The following NCAM2 variants were observed in gnomAD, a reference collection of about 807,000 sequenced individuals.
NCAM2 encodes neural cell adhesion molecule 2, also known as N-CAM-2.
NCAM2 carries 30 observed loss-of-function variants against 98.1 expected under a neutral mutation model. The ratio of observed to expected loss-of-function variants is 0.31; its 90% CI spans 0.23 to 0.41. The LOEUF is 0.41. Ranked by LOEUF, NCAM2 falls within the 10% of genes least tolerant of loss-of-function variation. The pLI is 1.00. For missense variants in NCAM2, 867 were observed against 1,005.8 expected (o/e 0.86, Z 1.87); for synonymous variants, 368 against 342.4 (o/e 1.07, Z -0.83).
intron 1 of NCAM2, among the ~76,000 whole-genome samples, chr21:21,022,464 A>G (rs1220763058): frequency 7.2e-5 from 11 of 152,072 alleles, no homozygotes; most frequent in Admixed American, 7.2e-4. Context: ...TAAATGTTCT[A>G]TAGTAGAATT....
intron 9 of NCAM2, among the ~76,000 whole-genome samples, chr21:21,392,410 A>G (rs58054254): frequency 0.033 from 5,093 of 152,302 alleles, 319 homozygotes; most frequent in African/African-American, 0.12. Flanking sequence ...TGCAGTGAAC[A>G]TACAAATGAA....
At chr21:21,423,257 T>G (rs1385945001) in intron 11 of NCAM2, among the ~76,000 whole-genome samples, 1 of 152,166 alleles carries the variant, frequency 6.6e-6, no homozygotes, top group Non-Finnish European at 1.5e-5. Context: ...CCCTGGGGAA[T>G]GAGAGCCTCA....
At chr21:21,302,717 A>T (rs1218950751) in intron 5 of NCAM2, among the ~76,000 whole-genome samples, 1 of 152,136 alleles carries the variant, frequency 6.6e-6, no homozygotes, top group Non-Finnish European at 1.5e-5. Context: ...CTTAAAACAG[A>T]TATACTATTC....
At chr21:21,257,191 C>T (rs2147321808) in intron 1 of NCAM2, among the ~76,000 whole-genome samples, 1 of 152,256 alleles carries the variant, frequency 6.6e-6, no homozygotes, top group Non-Finnish European at 1.5e-5. Flanking sequence ...ACTGTAAACT[C>T]TTTGACAGTA....
At chr21:21,492,402 C>G (rs940602552) in intron 15 of NCAM2, among the ~76,000 whole-genome samples, 5 of 151,834 alleles carry the variant, frequency 3.3e-5, no homozygotes, top group African/African-American at 9.7e-5. Flanking sequence ...ACGGTTTCAT[C>G]CATTAATCAC....
Position 21,098,287 on chromosome 21 carries a change from C to G in NCAM2, c.55+99669C>G, listed in dbSNP as rs149062720. Among the ~76,000 whole-genome samples the G allele has an allele frequency of 2.3e-3, 348 of 151,606 alleles. 2 individuals are homozygous for G. The highest frequency in any genetic ancestry group is 0.012 in the South Asian group (59 of 4,798). On this transcript the variant is annotated intron_variant, in intron 1 of 17. Coordinates refer to ENST00000400546, the MANE Select transcript of NCAM2 (RefSeq NM_004540.5). ...GTGCCTTGGTATTACTATGTAAACC[C>G]AAATTTAAAGATATATAATGTCAAA...
chr21:21,300,045 A>G (rs1048778353), intron 5 of NCAM2, among the ~76,000 whole-genome samples: 3 of 151,900 alleles, frequency 2.0e-5, no homozygotes, highest in African/African-American at 7.3e-5. Flanking sequence ...TTATTGCTGT[A>G]TTGGTATTTT....
chr21:21,146,687 A>T (rs982287710), intron 1 of NCAM2, among the ~76,000 whole-genome samples: 8 of 152,076 alleles, frequency 5.3e-5, no homozygotes, highest in East Asian at 3.9e-4. Flanking sequence ...CTTAACAGCA[A>T]TACATTTAAT....
chr21:21,248,776 CAAAAAAAAAAAAAAAAAAAAAAAA>C (rs1171857115), intron 1 of NCAM2, among the ~76,000 whole-genome samples: 8 of 50,654 alleles, frequency 1.6e-4, no homozygotes, highest in African/African-American at 2.5e-4. Context: ...GACTCTGTCT[CAAAAAAAAAAAAAAAAAAAAAAAA>C]AAAAAAAAAA....
At chr21:21,098,691 C>T (rs893414941) in intron 1 of NCAM2, among the ~76,000 whole-genome samples, 7 of 151,726 alleles carry the variant, frequency 4.6e-5, no homozygotes, top group Admixed American at 2.0e-4. Context: ...CTAAGATGTG[C>T]GTGGCAATGT....
chr21:21,092,832 C>A (rs1050784859), intron 1 of NCAM2, among the ~76,000 whole-genome samples: 5 of 151,680 alleles, frequency 3.3e-5, no homozygotes, highest in African/African-American at 1.2e-4. Flanking sequence ...GTATTTATAT[C>A]TCTTTTATAA....
chr21:21,300,688 C>T lies in NCAM2; in HGVS notation c.619+8447C>T, dbSNP rs145906543. On this transcript the variant is annotated intron_variant, in intron 5 of 17. Transcript: ENST00000400546. ...TAGAGATTTGCATACAGGAGGCGGT[C>T]TATAACTTCTGGAAAGATTTCTTTA... Among the ~76,000 whole-genome samples the T allele has an allele frequency of 1.4e-4, 22 of 152,094 alleles. No individual in the cohort carries two copies. In the East Asian group the frequency reaches 4.1e-3, roughly 28 times the overall value.
chr21:21,154,629 T>C (rs2067554469), intron 1 of NCAM2, among the ~76,000 whole-genome samples: 1 of 151,876 alleles, frequency 6.6e-6, no homozygotes, highest in African/African-American at 2.4e-5. Context: ...TGGAAATGCT[T>C]TCTGCTACAC....
intron 9 of NCAM2, among the ~76,000 whole-genome samples, chr21:21,387,987 C>T (rs1176134518): frequency 6.6e-6 from 1 of 152,174 alleles, no homozygotes; most frequent in Non-Finnish European, 1.5e-5. Context: ...CGATAATTAT[C>T]ACGTTGGAAA....
intron 1 of NCAM2, among the ~76,000 whole-genome samples, chr21:21,113,630 T>C (rs2066496656): frequency 6.6e-6 from 1 of 152,188 alleles, no homozygotes; most frequent in Non-Finnish European, 1.5e-5. Context: ...AGATTTTGTT[T>C]TCCAAAAACG....
In NCAM2 at chr21:21,292,247, C is replaced by G; in HGVS notation, c.619+6C>G. On this transcript the variant is annotated splice_donor_region_variant and intron_variant, in intron 5 of 17. Coordinates refer to ENST00000400546, the MANE Select transcript of NCAM2 (RefSeq NM_004540.5). ...TATCATTGTTATTGTTAATGGTAAG[C>G]AGTAAATAATTTGTACATGTTTTAT... 1 of 1,599,538 alleles carries G rather than the reference C, an allele frequency of 6.3e-7. No individual in the cohort carries two copies.
intron 15 of NCAM2, among the ~76,000 whole-genome samples, chr21:21,488,533 A>G (rs999574009): frequency 6.6e-6 from 1 of 152,036 alleles, no homozygotes; most frequent in Non-Finnish European, 1.5e-5. Flanking sequence ...ATGGAGAAAT[A>G]AAACCTTAAA....
intron 1 of NCAM2, among the ~76,000 whole-genome samples, chr21:21,230,170 GA>G (rs1020488384): frequency 6.7e-6 from 1 of 149,572 alleles, no homozygotes; most frequent in African/African-American, 2.4e-5. Context: ...TTTGCAAAAA[GA>G]AAAAAAATAC....
intron 8 of NCAM2, among the ~76,000 whole-genome samples, chr21:21,342,169 C>T (rs1361735080): frequency 2.0e-5 from 3 of 152,170 alleles, no homozygotes; most frequent in East Asian, 3.9e-4. Context: ...ATGCTAATAA[C>T]ATTTAAATCA....
Sources: gnomAD v4.1 joint callset for allele counts (sites outside exome capture counted in the v4.1 genomes callset) on GRCh38, gnomAD v4.1.1 for gene constraint, MANE v1.5 for transcripts, NCBI Gene and HGNC (gene_info 2026-07-23, HGNC 2026-07-21) for gene names.